VEPH1: variants seen among roughly 807,000 people sequenced by gnomAD.
VEPH1 encodes ventricular zone expressed PH domain containing 1, also known as ventricular zone-expressed PH domain-containing protein homolog 1.
A neutral mutation model predicts 85.2 loss-of-function variants in VEPH1; 80 were observed. The ratio of observed to expected loss-of-function variants is 0.94; its 90% confidence interval spans 0.78 to 1.13. The LOEUF is 1.13. Among genes scored for constraint, VEPH1 ranks in the 50% most tolerant of loss-of-function variants. VEPH1 has a pLI of 0.00. For missense variants in VEPH1, 955 were observed against 980.5 expected (o/e 0.97, Z 0.35); for synonymous variants, 297 against 348.0 (o/e 0.85, Z 1.63).
At chr3:157,447,874 C>G (rs190969809) in intron 4 of VEPH1, among the ~76,000 whole-genome samples, 27 of 152,176 alleles carry the variant, frequency 1.8e-4, no homozygotes, top group Admixed American at 1.8e-3. Context: ...GAATTACAGG[C>G]ATGAGCCACA....
At chr3:157,310,149 C>T (rs1287545655) in intron 11 of VEPH1, among the ~76,000 whole-genome samples, 2 of 152,164 alleles carry the variant, frequency 1.3e-5, no homozygotes, top group Non-Finnish European at 2.9e-5. Context: ...GAAAACGTTT[C>T]TGGTAATGTT....
intron 6 of VEPH1, among the ~76,000 whole-genome samples, chr3:157,412,874 C>G (rs1435277491): frequency 6.6e-6 from 1 of 152,042 alleles, no homozygotes; most frequent in Non-Finnish European, 1.5e-5. Flanking sequence ...AATCAAACAG[C>G]ACCAAAGATG....
chr3:157,457,758 A>C (rs902205653), intron 4 of VEPH1, among the ~76,000 whole-genome samples: 1 of 152,004 alleles, frequency 6.6e-6, no homozygotes, highest in African/African-American at 2.4e-5. Context: ...GTGCTGCTGG[A>C]TTTGTTTTGC....
intron 9 of VEPH1, among the ~76,000 whole-genome samples, chr3:157,329,744 C>T (rs770737944): frequency 3.9e-5 from 6 of 151,968 alleles, no homozygotes; most frequent in Non-Finnish European, 7.4e-5. Flanking sequence ...AACCTTCTAG[C>T]AGTAAATTGG....
intron 2 of VEPH1, among the ~76,000 whole-genome samples, chr3:157,481,247 A>G (rs548871868): frequency 3.3e-4 from 50 of 151,912 alleles, no homozygotes; most frequent in Non-Finnish European, 7.1e-4. Flanking sequence ...TCTCTAGGTT[A>G]TCTGTTTACT....
intron 13 of VEPH1, 135 bp from the exon 14 acceptor site, chr3:157,261,505 T>C (rs1274569473): frequency 2.9e-6 from 4 of 1,384,206 alleles, no homozygotes; most frequent in East Asian, 4.7e-5. Context: ...TTTTGGGTGC[T>C]AAGGCCTCAG....
chr3:157,302,381 C>A (rs1015946302), intron 11 of VEPH1, among the ~76,000 whole-genome samples: 1 of 152,170 alleles, frequency 6.6e-6, no homozygotes, highest in Non-Finnish European at 1.5e-5. Flanking sequence ...TCACCAAATT[C>A]ATACACCGAA....
rs377076009 is a variant in VEPH1, at chr3:157,437,075, T to G, written c.530-8587A>C. 39 of 1,613,040 alleles carry G rather than the reference T, an allele frequency of 2.4e-5. No individual in the cohort carries two copies. The African/African-American group carries it at 4.1e-4, about 17-fold the overall frequency. On this transcript the variant is annotated intron_variant, in intron 4 of 13. Coordinates refer to ENST00000362010, the MANE Select transcript of VEPH1 (RefSeq NM_001167912.2). ...TCCCACTGAGGACCGTAAGTTCACT[T>G]TAACTGTTTCTCTGCTAACCCTGAC...
chr3:157,403,374 A>C (rs1730912929), intron 6 of VEPH1, among the ~76,000 whole-genome samples: 1 of 152,146 alleles, frequency 6.6e-6, no homozygotes, highest in Non-Finnish European at 1.5e-5. Context: ...AGGAGTGGGG[A>C]TGGAGTGAGG....
At position 157,416,919 on chromosome 3, in the gene VEPH1, GAGAA is replaced by G. The variant is rs1324353890; in HGVS notation, c.697-2833_697-2830del. On this transcript the variant is annotated intron_variant, in intron 5 of 13. Transcript: ENST00000362010. Reference sequence around the variant, plus strand: ...GAGAAAGGAAGGACGGAAGGAGAAAGAGAAAGAAAGAAGAGAGAAAAGGAAAGAA... The same window carrying G: ...GAGAAAGGAAGGACGGAAGGAGAAAGAGAAAGAAGAGAGAAAAGGAAAGAA... Among the ~76,000 whole-genome samples the G allele has an allele frequency of 7.2e-5, 11 of 151,968 alleles. No homozygotes were observed. In the East Asian group the frequency reaches 1.9e-3, roughly 27 times the overall value.
At chr3:157,371,615 G>A (rs182651875) in intron 7 of VEPH1, among the ~76,000 whole-genome samples, 6 of 152,264 alleles carry the variant, frequency 3.9e-5, no homozygotes, top group East Asian at 1.9e-4. Flanking sequence ...CCAGTGACAC[G>A]TTCAAATTTT....
intron 4 of VEPH1, chr3:157,442,856 T>C: frequency 1.2e-6 from 2 of 1,614,134 alleles, no homozygotes; most frequent in African/African-American, 2.7e-5. Context: ...TCTGGGATAG[T>C]GTTCTTAGCA....
chr3:157,465,805 A>G (rs1244394648), intron 3 of VEPH1, among the ~76,000 whole-genome samples: 1 of 152,248 alleles, frequency 6.6e-6, no homozygotes, highest in Non-Finnish European at 1.5e-5. Flanking sequence ...ATTTTCCAGC[A>G]GCAGATCTGG....
Position 157,323,825 on chromosome 3 carries a change from A to T in VEPH1, c.1736-6624T>A, listed in dbSNP as rs370381191. On this transcript the variant is annotated intron_variant, in intron 9 of 13. Coordinates refer to ENST00000362010, the MANE Select transcript of VEPH1 (RefSeq NM_001167912.2). ...AAAAAAATAAAAATTTTGTATTGTT[A>T]TGTGAAAACATATATAAAAGCATAA... is the stretch of plus-strand genomic sequence containing the variant. Among the ~76,000 whole-genome samples the T allele has an allele frequency of 7.5e-4, 114 of 152,320 alleles. 1 individual carries two copies. Among genetic ancestry groups the T allele is most frequent in the African/African-American group, 2.6e-3 (107 of 41,586 alleles).
At chr3:157,289,382 G>A (rs751661772) in intron 11 of VEPH1, among the ~76,000 whole-genome samples, 8 of 152,288 alleles carry the variant, frequency 5.3e-5, no homozygotes, top group African/African-American at 1.4e-4. Context: ...ACCTTCCTGC[G>A]TTCAATTTCT....
At chr3:157,502,895 A>AGCC (rs1428089144) in intron 1 of VEPH1, among the ~76,000 whole-genome samples, 6 of 152,238 alleles carry the variant, frequency 3.9e-5, no homozygotes, top group African/African-American at 1.4e-4. Context: ...CCGTAGGCAG[A>AGCC]GCCAGTTTCT....
intron 12 of VEPH1, among the ~76,000 whole-genome samples, chr3:157,269,642 G>T (rs150204901): frequency 2.6e-3 from 295 of 115,316 alleles, no homozygotes; most frequent in Middle Eastern, 5.2e-3. Context: ...TGTTTTTGTT[G>T]TTTTTTTTTT....
At chr3:157,352,487 T>C (rs1419381605) in intron 9 of VEPH1, among the ~76,000 whole-genome samples, 1 of 152,222 alleles carries the variant, frequency 6.6e-6, no homozygotes, top group Non-Finnish European at 1.5e-5. Flanking sequence ...ATGTGCTGTT[T>C]GATACATATT....
At chr3:157,306,513 T>G (rs1226450716) in intron 11 of VEPH1, among the ~76,000 whole-genome samples, 1 of 152,142 alleles carries the variant, frequency 6.6e-6, no homozygotes, top group Non-Finnish European at 1.5e-5. Flanking sequence ...TTTACCTGCC[T>G]GTATAACATG....
Sources: allele counts gnomAD v4.1 joint callset (sites outside exome capture counted in the v4.1 genomes callset), GRCh38; gene constraint gnomAD v4.1.1; transcripts MANE v1.5; gene names NCBI Gene and HGNC (gene_info 2026-07-23, HGNC 2026-07-21).